The following URI1 variants were observed in gnomAD, a reference collection of about 807,000 sequenced individuals.
URI1 encodes URI1 prefoldin like chaperone, also known as unconventional prefoldin RPB5 interactor 1.
URI1 carries 39 observed loss-of-function variants against 60.2 expected under a neutral mutation model. The ratio of observed to expected loss-of-function variants is 0.65; its 90% confidence interval spans 0.50 to 0.85. The LOEUF is 0.85. Ranked by LOEUF, URI1 falls within the 40% of genes least tolerant of loss-of-function variation. URI1 has a pLI of 0.00. For synonymous variants in URI1, 251 were observed against 236.8 expected (o/e 1.06, Z -0.55); for missense variants, 691 against 665.9 (o/e 1.04, Z -0.42).
chr19:29,969,812 G>C (rs1351657122), intron 1 of URI1, among the ~76,000 whole-genome samples: 1 of 151,904 alleles, frequency 6.6e-6, no homozygotes, highest in Non-Finnish European at 1.5e-5. Context: ...TGTAATTACT[G>C]CCAAATCAGA....
At chr19:29,966,194 T>C (rs1203723158) in intron 1 of URI1, among the ~76,000 whole-genome samples, 1 of 152,190 alleles carries the variant, frequency 6.6e-6, no homozygotes, top group East Asian at 1.9e-4. Flanking sequence ...TCTCCCAGGC[T>C]GGAGTGCAGT....
In URI1 at chr19:29,942,617, C is replaced by G; in HGVS notation, c.70C>G (p.Pro24Ala). 2 of 1,409,290 alleles carry G rather than the reference C, an allele frequency of 1.4e-6. No homozygotes were observed. The highest frequency in any genetic ancestry group is 9.3e-7 in the Non-Finnish European group (1 of 1,078,312). The allele number at this position is 1,409,290 out of a possible 1,614,324, so 87.3% of individuals were successfully genotyped here. The part of the protein sequence containing the change: ...PPSAPAPALV[P>A]LRAPDVARLR... ...TTCGGCCCCGGCCCCTGCCCTGGTT[C>G]CGTTGCGCGCCCCGGATGTGGCGCG... is the stretch of plus-strand genomic sequence containing the variant. Residue 24 changes from proline to alanine, a missense_variant, in exon 1 of 11, where the codon CCG (proline) becomes GCG (alanine). Transcript: ENST00000392271.
chr19:29,971,478 G>T (rs2055459171), intron 2 of URI1, among the ~76,000 whole-genome samples: 1 of 151,712 alleles, frequency 6.6e-6, no homozygotes, highest in African/African-American at 2.4e-5. Flanking sequence ...TCTTTTCTAA[G>T]AATAATATTA....
chr19:29,964,373 C>T (rs16963567), intron 1 of URI1, among the ~76,000 whole-genome samples: 12,958 of 151,994 alleles, frequency 0.085, 687 homozygotes, highest in Admixed American at 0.16. Flanking sequence ...TTTGAATTTA[C>T]ATAGCTACTT....
At chr19:30,006,684 C>T (rs575637141) in intron 6 of URI1, among the ~76,000 whole-genome samples, 8 of 152,046 alleles carry the variant, frequency 5.3e-5, no homozygotes, top group South Asian at 2.1e-4. Flanking sequence ...ATGATGGACT[C>T]GAGGTCATCT....
chr19:29,981,215 T>G (rs1348509690), intron 2 of URI1, among the ~76,000 whole-genome samples: 2 of 152,136 alleles, frequency 1.3e-5, no homozygotes, highest in Admixed American at 1.3e-4. Flanking sequence ...ATTTCAAACA[T>G]ATGGAAGAGT....
chr19:30,014,383 T>C (rs1412758218), intron 10 of URI1, among the ~76,000 whole-genome samples: 2 of 152,216 alleles, frequency 1.3e-5, no homozygotes, highest in African/African-American at 4.8e-5. Context: ...CAGTAAAATA[T>C]TTAAATAATT....
intron 1 of URI1, among the ~76,000 whole-genome samples, chr19:29,933,823 T>G (rs1004902559): frequency 7.6e-5 from 1 of 13,206 alleles, no homozygotes; most frequent in African/African-American, 3.2e-4. Context: ...CTCGATCTCT[T>G]TAAAAAAAAA....
At chr19:29,961,675 GTT>G (rs200425572) in intron 1 of URI1, among the ~76,000 whole-genome samples, 38 of 117,594 alleles carry the variant, frequency 3.2e-4, no homozygotes, top group Non-Finnish European at 4.1e-4. Context: ...TTTTTTTTTT[GTT>G]TTTTTTTTTT....
chr19:29,967,424 A>G (rs2055404166), intron 1 of URI1, among the ~76,000 whole-genome samples: 1 of 152,236 alleles, frequency 6.6e-6, no homozygotes, highest in Non-Finnish European at 1.5e-5. Flanking sequence ...TCACCTAAAC[A>G]TACACAGATA....
chr19:29,971,247 A>T lies in URI1; in HGVS notation c.152+20A>T. On this transcript the variant is annotated intron_variant, in intron 2 of 10. Transcript: ENST00000392271. ...GCATTGGTGAGTGAAAGATGGTTTT[A>T]TTACACTTCTGAAATACTGATGGGG... 4 of 1,611,508 alleles carry T rather than the reference A, an allele frequency of 2.5e-6. No individual in the cohort carries two copies. Among genetic ancestry groups the T allele is most frequent in the Non-Finnish European group, 3.4e-6 (4 of 1,178,564 alleles).
At chr19:29,970,128 AT>A (rs199739403) in intron 1 of URI1, among the ~76,000 whole-genome samples, 366 of 74,496 alleles carry the variant, frequency 4.9e-3, no homozygotes, top group African/African-American at 6.8e-3. Context: ...AATCGTGTGT[AT>A]TTTTTTTTTT....
At chr19:29,963,481 T>A (rs1048428003) in intron 1 of URI1, among the ~76,000 whole-genome samples, 4 of 152,234 alleles carry the variant, frequency 2.6e-5, no homozygotes, top group Admixed American at 6.5e-5. Flanking sequence ...TTGCTATTTT[T>A]AAAATATATT....
intron 1 of URI1, among the ~76,000 whole-genome samples, chr19:29,954,694 T>C (rs2055221948): frequency 6.6e-6 from 1 of 151,862 alleles, no homozygotes; most frequent in South Asian, 2.1e-4. Flanking sequence ...TAAAAAATAT[T>C]TTTAGTAGAA....
chr19:29,938,553 C>T (rs1265608463), upstream of URI1, among the ~76,000 whole-genome samples: 1 of 152,182 alleles, frequency 6.6e-6, no homozygotes, highest in East Asian at 1.9e-4. Flanking sequence ...TTGACTCCAA[C>T]ATCTATGAAC....
At chr19:29,930,972 T>C (rs559131831) in intron 1 of URI1, among the ~76,000 whole-genome samples, 2 of 152,002 alleles carry the variant, frequency 1.3e-5, no homozygotes, top group East Asian at 3.9e-4. Context: ...CTTCCCAATG[T>C]GTTGGGATTA....
chr19:29,978,465 CTG>C (rs1213984297), intron 2 of URI1, among the ~76,000 whole-genome samples: 1 of 152,100 alleles, frequency 6.6e-6, no homozygotes, highest in African/African-American at 2.4e-5. Context: ...GGTTTGAAAA[CTG>C]TACTTCTTTG....
At chr19:29,963,002 A>T (rs77638932) in intron 1 of URI1, among the ~76,000 whole-genome samples, 5 of 152,066 alleles carry the variant, frequency 3.3e-5, no homozygotes, top group African/African-American at 1.2e-4. Flanking sequence ...AAGGCTGTGA[A>T]TCTCCCCTGT....
intron 1 of URI1, among the ~76,000 whole-genome samples, chr19:29,970,395 C>T (rs1168142154): frequency 6.6e-6 from 1 of 151,740 alleles, no homozygotes; most frequent in Non-Finnish European, 1.5e-5. Flanking sequence ...AATTAGCAAT[C>T]CTTGAAAACA....
Sources: gnomAD v4.1 joint callset for allele counts (sites outside exome capture counted in the v4.1 genomes callset) on GRCh38, gnomAD v4.1.1 for gene constraint, MANE v1.5 for transcripts, NCBI Gene and HGNC (gene_info 2026-07-23, HGNC 2026-07-21) for gene names.